The following CRK variants were observed in gnomAD, a reference collection of about 807,000 sequenced individuals.
CRK encodes CRK proto-oncogene, adaptor protein.
In CRK, 4 loss-of-function variants were observed where a neutral mutation model predicts 29.8. The ratio of observed to expected loss-of-function variants is 0.13; its 90% confidence interval spans 0.07 to 0.31. The LOEUF is 0.31. CRK is among the 10% of genes least tolerant of loss of function. The pLI is 1.00. For missense variants in CRK, 274 were observed against 396.5 expected (o/e 0.69, Z 2.62); for synonymous variants, 153 against 164.9 (o/e 0.93, Z 0.55).
intron 1 of CRK, among the ~76,000 whole-genome samples, chr17:1,447,671 C>T (rs1333753398): frequency 7.1e-6 from 1 of 141,228 alleles, no homozygotes; most frequent in African/African-American, 2.6e-5. Flanking sequence ...TACAGTGGTG[C>T]GATCTCAGCT....
intron 1 of CRK, among the ~76,000 whole-genome samples, chr17:1,451,639 C>A (rs2074019252): frequency 1.3e-5 from 2 of 152,062 alleles, no homozygotes; most frequent in Admixed American, 1.3e-4. Flanking sequence ...GGCTGCCTGC[C>A]CCAAAGTTAA....
At chr17:1,442,809 G>A (rs1166329351) in intron 1 of CRK, among the ~76,000 whole-genome samples, 2 of 151,556 alleles carry the variant, frequency 1.3e-5, no homozygotes, top group African/African-American at 2.4e-5. Context: ...GTTTCACCAT[G>A]TTGGCCTGGC....
At chr17:1,434,607 A>C (rs527479558) in intron 2 of CRK, among the ~76,000 whole-genome samples, 1 of 152,088 alleles carries the variant, frequency 6.6e-6, no homozygotes, top group Admixed American at 6.6e-5. Flanking sequence ...ACAAGGTGAA[A>C]CCCTGTCTCT....
At chr17:1,427,841 G>A (rs2073796198) in intron 2 of CRK, among the ~76,000 whole-genome samples, 3 of 151,718 alleles carry the variant, frequency 2.0e-5, no homozygotes, top group Admixed American at 1.3e-4. Flanking sequence ...CACCATGCTG[G>A]GCAGGCTTGT....
intron 1 of CRK, among the ~76,000 whole-genome samples, chr17:1,451,969 C>T (rs781181726): frequency 4.6e-5 from 7 of 152,088 alleles, no homozygotes; most frequent in Admixed American, 1.3e-4. Context: ...GCCCGGGGGG[C>T]AAGAGCGAAA....
intron 1 of CRK, among the ~76,000 whole-genome samples, chr17:1,450,642 G>C (rs575599785): frequency 6.6e-6 from 1 of 152,030 alleles, no homozygotes; most frequent in Non-Finnish European, 1.5e-5. Context: ...CAGCACTTTG[G>C]GGAAGCCGAG....
At chr17:1,449,320 C>T (rs2074000788) in intron 1 of CRK, among the ~76,000 whole-genome samples, 1 of 152,196 alleles carries the variant, frequency 6.6e-6, no homozygotes, top group African/African-American at 2.4e-5. Flanking sequence ...CTACCATCCA[C>T]AGCATGAATT....
intron 2 of CRK, among the ~76,000 whole-genome samples, chr17:1,430,932 G>A (rs2150902698): frequency 6.6e-6 from 1 of 151,926 alleles, no homozygotes; most frequent in Admixed American, 6.6e-5. Flanking sequence ...ACCGGGCGTG[G>A]TAGCAGGCGC....
intron 1 of CRK, among the ~76,000 whole-genome samples, chr17:1,451,719 G>GA (rs1184829134): frequency 1.0e-3 from 149 of 146,388 alleles, no homozygotes; most frequent in African/African-American, 3.5e-3. Context: ...ATAGTGGGGG[G>GA]AAAAAAAAAC....
intron 2 of CRK, among the ~76,000 whole-genome samples, chr17:1,429,248 T>G (rs555118939): frequency 6.6e-6 from 1 of 152,054 alleles, no homozygotes; most frequent in Non-Finnish European, 1.5e-5. Flanking sequence ...TCCCAGCTAC[T>G]TGGGAGACTG....
At chr17:1,450,325 G>T (rs572836684) in intron 1 of CRK, among the ~76,000 whole-genome samples, 3 of 151,976 alleles carry the variant, frequency 2.0e-5, no homozygotes, top group Non-Finnish European at 4.4e-5. Flanking sequence ...TGGCTAACAC[G>T]GTGAAACACC....
intron 1 of CRK, among the ~76,000 whole-genome samples, chr17:1,445,370 C>T (rs186312710): frequency 6.6e-6 from 1 of 152,224 alleles, no homozygotes; most frequent in African/African-American, 2.4e-5. Flanking sequence ...GTGAACAGCC[C>T]AGACTCAGGA....
intron 1 of CRK, among the ~76,000 whole-genome samples, chr17:1,444,591 G>A (rs1262769094): frequency 1.2e-5 from 1 of 86,342 alleles, no homozygotes; most frequent in Admixed American, 1.2e-4. Context: ...TTGGGAAGCC[G>A]AAGCGGGGGG....
chr17:1,425,634 C>T (rs976398802), intron 2 of CRK, among the ~76,000 whole-genome samples: 1 of 152,202 alleles, frequency 6.6e-6, no homozygotes, highest in Non-Finnish European at 1.5e-5. Context: ...TGCATCTGGG[C>T]TTGTACTGGG....
In CRK at chr17:1,455,985, C is replaced by G. The variant is rs2074054065; in HGVS notation, c.133G>C (p.Gly45Arg). The G allele has an allele frequency of 1.2e-6, 2 of 1,601,134 alleles. No individual in the cohort carries two copies. The highest frequency in any genetic ancestry group is 2.3e-5 in the East Asian group (1 of 43,332). Residue 45 changes from glycine (G) to arginine (R), a missense_variant, in exon 1 of 3, where the codon GGG (glycine) becomes CGG (arginine). Around this residue, in one of 3 missense-constraint regions of CRK, gnomAD observed 135 missense variants for 180.9 expected, o/e 0.75. Coordinates refer to ENST00000300574, the MANE Select transcript of CRK (RefSeq NM_016823.4). Reference protein sequence around the residue: ...FLVRDSSTSPGDYVLSVSENS... With the variant: ...FLVRDSSTSPRDYVLSVSENS... ...TCTGAGACGCTGAGCACATAGTCCC[C>G]GGGGCTGGTGCTCGAGTCCCGCACC...
At chr17:1,423,724 A>G in intron 2 of CRK, 74 bp from the exon 3 acceptor site, 1 of 1,577,262 alleles carries the variant, frequency 6.3e-7, no homozygotes, top group Non-Finnish European at 8.7e-7. Flanking sequence ...TTCTCTGGTT[A>G]GGCACACCCT....
chr17:1,440,913 A>G (rs1351842421), intron 1 of CRK, among the ~76,000 whole-genome samples: 2 of 152,282 alleles, frequency 1.3e-5, no homozygotes, highest in African/African-American at 4.8e-5. Flanking sequence ...CAAAAAACCT[A>G]AAATCCAAAT....
chr17:1,440,042 G>C (rs530181848), intron 1 of CRK, among the ~76,000 whole-genome samples: 1 of 151,812 alleles, frequency 6.6e-6, no homozygotes, highest in Non-Finnish European at 1.5e-5. Flanking sequence ...GCTCACGCCT[G>C]TAATCCCAGC....
At position 1,451,192 on chromosome 17, in the gene CRK, C is replaced by CAAAAAAAAA. The variant is rs10691537; in HGVS notation, c.241+4676_241+4684dup. Among the ~76,000 whole-genome samples, 193 of 66,936 alleles carry CAAAAAAAAA rather than the reference C, an allele frequency of 2.9e-3. 5 individuals are homozygous for CAAAAAAAAA. The highest frequency in any genetic ancestry group is 3.6e-3 in the Non-Finnish European group (139 of 38,314). The allele number at this position is 66,936 out of a possible 152,430, so 43.9% of individuals were successfully genotyped here. A position where few individuals can be genotyped will look rare whatever the true frequency, so the allele number is the denominator to read the frequency against. ...TCGGTGACAGAGCGAGAAACTGTCTCAAAAAAAAAAAAAAAAAAAGCAATA... is the reference window on the plus strand; with the variant it reads ...TCGGTGACAGAGCGAGAAACTGTCTCAAAAAAAAAAAAAAAAAAAAAAAAAAAAGCAATA... On this transcript the variant is annotated intron_variant, in intron 1 of 2. Transcript: ENST00000300574.
Sources: allele counts gnomAD v4.1 joint callset (sites outside exome capture counted in the v4.1 genomes callset), GRCh38; gene constraint gnomAD v4.1.1; regional missense constraint gnomAD v4.1.1; transcripts MANE v1.5; gene names NCBI Gene and HGNC (gene_info 2026-07-23, HGNC 2026-07-21).